The following SLC39A11 variants were observed in gnomAD, a reference collection of about 807,000 sequenced individuals.
SLC39A11 encodes zinc transporter ZIP11.
In SLC39A11, 33 loss-of-function variants were observed where a neutral mutation model predicts 36.1. The observed-to-expected ratio is 0.91, with a 90% CI of 0.69 to 1.22. The LOEUF (loss-of-function observed/expected upper bound fraction) is 1.22. SLC39A11 is among the 50% of genes most tolerant of loss of function. The pLI, the probability that SLC39A11 is intolerant of heterozygous loss-of-function variation, is 0.00. For missense variants in SLC39A11, 432 were observed against 430.3 expected (o/e 1.00, Z -0.03); for synonymous variants, 166 against 170.3 (o/e 0.97, Z 0.20).
In SLC39A11 at chr17:72,947,867, T is replaced by C. The variant is rs1393859553; in HGVS notation, c.315A>G (p.Ala105=). Residue 105 remains alanine, a synonymous_variant, in exon 5 of 10, where the codon GCA becomes GCG. Coordinates refer to ENST00000255559, the MANE Select transcript of SLC39A11 (RefSeq NM_139177.4). ...GTGCCAGGGTCGTCTGGGGGTCTTC[T>C]GCTGCACCCTGAAACAAGAAGCGGT... ...ADLLMPHLGA[A]EDPQTTLALN... The C allele has an allele frequency of 6.2e-7, 1 of 1,613,734 alleles. No individual in the cohort carries two copies. Among genetic ancestry groups the C allele is most frequent in the Non-Finnish European group, 8.5e-7 (1 of 1,180,024 alleles).
intron 5 of SLC39A11, among the ~76,000 whole-genome samples, chr17:72,920,078 T>C (rs1485308667): frequency 6.6e-6 from 1 of 152,150 alleles, no homozygotes; most frequent in Non-Finnish European, 1.5e-5. Flanking sequence ...GGCTCCTCTT[T>C]TTGTGCTTTC....
At chr17:72,694,346 G>A (rs2072183982) in intron 7 of SLC39A11, among the ~76,000 whole-genome samples, 1 of 152,196 alleles carries the variant, frequency 6.6e-6, no homozygotes, top group African/African-American at 2.4e-5. Context: ...CTTCAGGAAG[G>A]AGAGCTAGAA....
intron 3 of SLC39A11, among the ~76,000 whole-genome samples, chr17:73,082,005 G>T (rs2060552936): frequency 6.6e-6 from 1 of 150,378 alleles, no homozygotes; most frequent in African/African-American, 2.4e-5. Flanking sequence ...TACATATTGG[G>T]GACAGTGTAC....
chr17:72,792,935 C>A (rs1039270975), intron 6 of SLC39A11, among the ~76,000 whole-genome samples: 1 of 152,186 alleles, frequency 6.6e-6, no homozygotes, highest in African/African-American at 2.4e-5. Context: ...GGACCAGACA[C>A]ACAAAGATAA....
intron 5 of SLC39A11, among the ~76,000 whole-genome samples, chr17:72,943,947 C>G (rs1364437315): frequency 2.0e-5 from 3 of 152,142 alleles, no homozygotes; most frequent in African/African-American, 7.2e-5. Context: ...AGTGCTGGGA[C>G]AGAGGAGTGG....
chr17:72,850,584 T>C (rs966875593), intron 5 of SLC39A11, among the ~76,000 whole-genome samples: 13 of 152,186 alleles, frequency 8.5e-5, no homozygotes, highest in Non-Finnish European at 1.6e-4. Context: ...TGTTGAGTCA[T>C]GATTAGAGAC....
chr17:73,014,523 T>C (rs7221308), intron 4 of SLC39A11, among the ~76,000 whole-genome samples: 108,307 of 152,116 alleles, frequency 0.71, 42,052 homozygotes, highest in Non-Finnish European at 0.87. Context: ...GTCGGTCATG[T>C]TAACATGAGC....
At position 72,800,430 on chromosome 17, in the gene SLC39A11, C is replaced by T. The variant is rs537302609; in HGVS notation, c.601+49204G>A. On this transcript the variant is annotated intron_variant, in intron 6 of 9. Transcript: ENST00000255559. ...GGTTCAAGCGATTCTCCTGCCTCAG[C>T]TTCCTGAGTAGCTGGGATTACAGGC... is the stretch of plus-strand genomic sequence containing the variant. 1.6e-3 allele frequency among the ~76,000 whole-genome samples: 241 copies of T among 151,362 alleles called. 2 individuals are homozygous for T. Among genetic ancestry groups the T allele is most frequent in the Non-Finnish European group, 2.6e-3 (175 of 67,936 alleles).
rs149611077 is a variant in SLC39A11, at chr17:72,692,306, C to A, written c.672-43038G>T. On this transcript the variant is annotated intron_variant, in intron 7 of 9. Coordinates refer to ENST00000255559, the MANE Select transcript of SLC39A11 (RefSeq NM_139177.4). ...GATTACAGGCGTGGGCTACCGCGCC[C>A]GACCAAAATAGCGCATTTTTATTAA... 7.3e-3 allele frequency among the ~76,000 whole-genome samples: 1,114 copies of A among 152,232 alleles called. 9 individuals are homozygous for A. Among genetic ancestry groups the A allele is most frequent in the African/African-American group, 0.025 (1,032 of 41,532 alleles).
intron 4 of SLC39A11, among the ~76,000 whole-genome samples, chr17:72,964,836 C>T (rs1028863999): frequency 6.6e-6 from 1 of 152,088 alleles, no homozygotes; most frequent in Non-Finnish European, 1.5e-5. Context: ...ACAATAGCAA[C>T]GACTTGGAAC....
At chr17:72,954,383 T>C (rs927169181) in intron 4 of SLC39A11, among the ~76,000 whole-genome samples, 3 of 152,214 alleles carry the variant, frequency 2.0e-5, no homozygotes, top group African/African-American at 7.2e-5. Context: ...TGGTGCCCCC[T>C]GCCAGCTACA....
chr17:72,986,260 G>A lies in SLC39A11; in HGVS notation c.307-38385C>T, dbSNP rs547531229. Among the ~76,000 whole-genome samples the A allele has an allele frequency of 2.2e-4, 34 of 152,310 alleles. 1 individual carries two copies. The highest frequency in any genetic ancestry group is 8.2e-4 in the African/African-American group (34 of 41,564). ...GCCTGACGGCTGTGGAGCTAGCTTTGAAAGCCAGGACACCCTAGTCACAAC... is the reference window on the plus strand; with the variant it reads ...GCCTGACGGCTGTGGAGCTAGCTTTAAAAGCCAGGACACCCTAGTCACAAC... On this transcript the variant is annotated intron_variant, in intron 4 of 9. Coordinates refer to ENST00000255559, the MANE Select transcript of SLC39A11 (RefSeq NM_139177.4).
At chr17:72,913,212 A>AT (rs1415785670) in intron 5 of SLC39A11, among the ~76,000 whole-genome samples, 2 of 151,966 alleles carry the variant, frequency 1.3e-5, no homozygotes, top group South Asian at 2.1e-4. Context: ...TCCTTTTTTA[A>AT]TTTTTTTAAA....
chr17:72,964,958 C>T (rs999973608), intron 4 of SLC39A11, among the ~76,000 whole-genome samples: 10 of 152,060 alleles, frequency 6.6e-5, no homozygotes, highest in Non-Finnish European at 1.5e-5. Context: ...TGTACGGACA[C>T]GGATGAAGCT....
At chr17:72,858,684 G>C (rs2079792642) in intron 5 of SLC39A11, among the ~76,000 whole-genome samples, 2 of 152,156 alleles carry the variant, frequency 1.3e-5, no homozygotes, top group African/African-American at 4.8e-5. Flanking sequence ...TCCTTGTAGA[G>C]ATCCTTCACC....
At chr17:72,809,253 C>T (rs2077362881) in intron 6 of SLC39A11, among the ~76,000 whole-genome samples, 1 of 150,152 alleles carries the variant, frequency 6.7e-6, no homozygotes, top group African/African-American at 2.5e-5. Context: ...TCAGGCCCAC[C>T]TTCTCCTGGG....
intron 4 of SLC39A11, among the ~76,000 whole-genome samples, chr17:72,986,300 G>T (rs995701699): frequency 6.6e-6 from 1 of 152,194 alleles, no homozygotes; most frequent in East Asian, 1.9e-4. Context: ...CCACTAGGGG[G>T]AGATGTTGAG....
At chr17:72,874,623 T>C (rs1179474192) in intron 5 of SLC39A11, among the ~76,000 whole-genome samples, 1 of 152,198 alleles carries the variant, frequency 6.6e-6, no homozygotes, top group East Asian at 1.9e-4. Context: ...TGCAGGTTCC[T>C]GTCTCCTGTC....
At chr17:72,850,251 C>A (rs1230085237) in intron 5 of SLC39A11, among the ~76,000 whole-genome samples, 2 of 152,002 alleles carry the variant, frequency 1.3e-5, no homozygotes, top group Non-Finnish European at 2.9e-5. Context: ...GAGTTCGAGA[C>A]CAGCCTGGGC....
Sources: allele counts gnomAD v4.1 joint callset (sites outside exome capture counted in the v4.1 genomes callset), GRCh38; gene constraint gnomAD v4.1.1; transcripts MANE v1.5; gene names NCBI Gene and HGNC (gene_info 2026-07-23, HGNC 2026-07-21).